Variants in ABL2 observed in about 807,000 individuals in gnomAD.
ABL2 encodes tyrosine-protein kinase ABL2.
In ABL2, 49 loss-of-function variants were observed where a neutral mutation model predicts 107.7. The ratio of observed to expected loss-of-function variants is 0.45; its 90% CI spans 0.36 to 0.58. The LOEUF is 0.58. ABL2 is among the 20% of genes least tolerant of loss of function. The pLI is 0.00. For missense variants in ABL2, 1,245 were observed against 1,457.0 expected, an observed-to-expected ratio of 0.85 and a Z score of 2.37; for synonymous variants, 549 against 548.6, an observed-to-expected ratio of 1.00 and a Z score of -0.01.
In ABL2 at chr1:179,100,006, C is replaced by T. The variant is rs991822146; in HGVS notation, c.*7712G>A. 11 of 232,314 alleles carry T rather than the reference C, an allele frequency of 4.7e-5. No individual in the cohort carries two copies. The highest frequency in any genetic ancestry group is 1.8e-4 in the South Asian group (1 of 5,522). The allele number at this position is 232,314 out of a possible 1,614,324, so 14.4% of individuals were successfully genotyped here. ...CTTACTCCCCCTTTCTTAATGGGCA[C>T]GACAGCAATGCACGTGTATTTATGG... On this transcript the variant is annotated 3_prime_UTR_variant, in exon 12 of 12. Transcript: ENST00000502732.
intron 1 of ABL2, among the ~76,000 whole-genome samples, chr1:179,181,886 T>C (rs1418282636): frequency 1.3e-5 from 2 of 151,836 alleles, no homozygotes; most frequent in African/African-American, 4.8e-5. Flanking sequence ...GTTCAAGCAA[T>C]TATCCTGCCT....
At chr1:179,182,272 A>C (rs540927503) in intron 1 of ABL2, among the ~76,000 whole-genome samples, 22 of 152,150 alleles carry the variant, frequency 1.4e-4, no homozygotes, top group African/African-American at 4.6e-4. Context: ...TCCTAAAGTG[A>C]AGGTGGCTGG....
chr1:179,222,823 A>C lies in ABL2; in HGVS notation c.157+6418T>G, dbSNP rs184796713. ...TTAAAATAACAACAACAACAAAAAA[A>C]AAACAGGCCGGGCACAGTGGCTCAC... On this transcript the variant is annotated intron_variant, in intron 1 of 11. Coordinates refer to ENST00000502732, the MANE Select transcript of ABL2 (RefSeq NM_007314.4). 8.5e-3 allele frequency among the ~76,000 whole-genome samples: 1,298 copies of C among 152,190 alleles called. 13 individuals are homozygous for C. The highest frequency in any genetic ancestry group is 0.017 in the South Asian group (82 of 4,826).
At chr1:179,147,197 A>C (rs1658051858) in intron 1 of ABL2, among the ~76,000 whole-genome samples, 2 of 150,200 alleles carry the variant, frequency 1.3e-5, no homozygotes, top group Non-Finnish European at 3.0e-5. Flanking sequence ...AAAAAAAAAA[A>C]AAAAAAAAAA....
chr1:179,117,492 T>G lies in ABL2; in HGVS notation c.1248A>C (p.Leu416=). ...CTTTTACCACATGGTTTTCTCCCAC[T>G]AGGCAGTTACGAGCTGCAAGATCTC... ...IHRDLAARNC[L]VGENHVVKVA... The change falls in exon 8 of 12, where the codon CTA becomes CTC. Residue 416 remains leucine, a synonymous_variant. Transcript: ENST00000502732. 7 of 1,614,124 alleles carry G rather than the reference T, an allele frequency of 4.3e-6. No homozygotes were observed. The highest frequency in any genetic ancestry group is 5.9e-6 in the Non-Finnish European group (7 of 1,180,026).
rs545879249 is a variant in ABL2 at position 179,099,728 on chromosome 1, G to A, written c.*7990C>T. 13 of 230,512 alleles carry A rather than the reference G, an allele frequency of 5.6e-5. No individual in the cohort carries two copies. The highest frequency in any genetic ancestry group is 4.9e-4 in the East Asian group (8 of 16,238). The allele number at this position is 230,512 out of a possible 1,614,324, so 14.3% of individuals were successfully genotyped here. A position where few individuals can be genotyped will look rare whatever the true frequency, so the allele number is the denominator to read the frequency against. ...CAACGAGTTTTAAAGAATTGAATCC[G>A]CATGTTTGGGGACAAAGTTCTGTCA... On this transcript the variant is annotated 3_prime_UTR_variant, in exon 12 of 12. Transcript: ENST00000502732.
At chr1:179,229,179 CCCGCCCCGACCCCA>C in intron 1 of ABL2, 48 bp downstream of exon 1, 1 of 359,004 alleles carries the variant, frequency 2.8e-6, no homozygotes, top group Non-Finnish European at 5.5e-6. Context: ...CGCCACCCAC[CCCGCCCCGACCCCA>C]CCCCCGGCCT....
intron 1 of ABL2, among the ~76,000 whole-genome samples, chr1:179,135,236 G>T (rs529167750): frequency 1.5e-4 from 23 of 151,630 alleles, no homozygotes; most frequent in Non-Finnish European, 3.1e-4. Flanking sequence ...GCCCAGTCTG[G>T]AAAGTGAGGA....
intron 1 of ABL2, chr1:179,142,838 A>C: frequency 7.1e-7 from 1 of 1,413,488 alleles, no homozygotes; most frequent in Non-Finnish European, 9.6e-7. Context: ...GAAGACAAAA[A>C]CAGTAGCAGA....
intron 1 of ABL2, among the ~76,000 whole-genome samples, chr1:179,157,664 A>G (rs1445055002): frequency 6.6e-6 from 1 of 152,048 alleles, no homozygotes; most frequent in African/African-American, 2.4e-5. Flanking sequence ...GGAGTGAGGA[A>G]AGAAAGGCCC....
rs773962365 is a variant in ABL2 at position 179,229,326 on chromosome 1, G to A, written c.72C>T (p.Gly24=). ...GGCCGGAGGGCCTGGCTGCACTGCT[G>A]CCCCGGATCCCGCGGGGCTGAGGCT... The part of the protein sequence containing the change: ...LQQPQPRGIR[G]SSAARPSGRR... The change falls in exon 1 of 12, where the codon GGC becomes GGT. Residue 24 remains glycine (G), a synonymous_variant. Transcript: ENST00000502732. The A allele has an allele frequency of 6.3e-7, 1 of 1,584,464 alleles. No homozygotes were observed. The highest frequency in any genetic ancestry group is 1.8e-5 in the Admixed American group (1 of 56,960).
chr1:179,197,782 T>C (rs1227087830), intron 1 of ABL2, among the ~76,000 whole-genome samples: 5 of 151,424 alleles, frequency 3.3e-5, no homozygotes, highest in Non-Finnish European at 5.9e-5. Flanking sequence ...GACAGGAGAA[T>C]TGCTTAAACC....
chr1:179,204,432 C>T (rs1441709561), intron 1 of ABL2, among the ~76,000 whole-genome samples: 2 of 152,136 alleles, frequency 1.3e-5, no homozygotes, highest in Admixed American at 6.5e-5. Context: ...TCTACTCCCA[C>T]CCAGCAAGGA....
At position 179,180,664 on chromosome 1, in the gene ABL2, T is replaced by C. The variant is rs532344425; in HGVS notation, c.158-47290A>G. On this transcript the variant is annotated intron_variant, in intron 1 of 11. Transcript: ENST00000502732. ...TATTCATATTTTAAACAGAACATTA[T>C]ACCAACAAAATAATAGAGGATATTA... Among the ~76,000 whole-genome samples the C allele has an allele frequency of 6.6e-5, 10 of 152,318 alleles. No homozygotes were observed. In the South Asian group the frequency reaches 1.5e-3, roughly 22 times the overall value.
Position 179,107,951 on chromosome 1 carries a change from T to C in ABL2, c.3316A>G (p.Asn1106Asp). The change falls in exon 12 of 12, where the codon AAC becomes GAC. Residue 1106 changes from asparagine (N) to aspartate (D), a missense_variant. Around this residue, in one of 3 missense-constraint regions of ABL2, gnomAD observed 761 missense variants for 766.4 expected, o/e 0.99. Transcript: ENST00000502732. ...TGTCCAGTGTCTACCAGCTGGCTGT[T>C]GGGCACAGGTTCCGTGAGTGCACTG... Reference protein sequence around the residue: ...LSSALTEPVPNSQLVDTGHQL... With the variant: ...LSSALTEPVPDSQLVDTGHQL... 1 of 1,614,234 alleles carries C rather than the reference T, an allele frequency of 6.2e-7. No homozygotes were observed. Among genetic ancestry groups the C allele is most frequent in the Non-Finnish European group, 8.5e-7 (1 of 1,180,042 alleles).
chr1:179,197,950 G>A (rs1661418792), intron 1 of ABL2, among the ~76,000 whole-genome samples: 1 of 151,698 alleles, frequency 6.6e-6, no homozygotes, highest in Admixed American at 6.6e-5. Context: ...GAGGCGGGCG[G>A]ATCACTTGAG....
chr1:179,172,624 T>G (rs1659785583), intron 1 of ABL2, among the ~76,000 whole-genome samples: 1 of 152,208 alleles, frequency 6.6e-6, no homozygotes, highest in Non-Finnish European at 1.5e-5. Flanking sequence ...TATTTATATC[T>G]TCATAGGATA....
intron 1 of ABL2, among the ~76,000 whole-genome samples, chr1:179,190,029 C>T (rs910367603): frequency 6.6e-6 from 1 of 152,080 alleles, no homozygotes; most frequent in Admixed American, 6.6e-5. Context: ...CATGTTGAGG[C>T]TGGTCTCGAA....
At chr1:179,121,038 T>C (rs1171008452) in intron 5 of ABL2, among the ~76,000 whole-genome samples, 2 of 152,158 alleles carry the variant, frequency 1.3e-5, no homozygotes, top group East Asian at 1.9e-4. Flanking sequence ...AGCTAAAGAA[T>C]AGCCCTTATA....
Sources: gnomAD v4.1 joint callset for allele counts (sites outside exome capture counted in the v4.1 genomes callset) on GRCh38, gnomAD v4.1.1 for gene constraint, gnomAD v4.1.1 regional missense constraint, MANE v1.5 for transcripts, NCBI Gene and HGNC (gene_info 2026-07-23, HGNC 2026-07-21) for gene names.